Variants in PTPN7 observed in about 807,000 individuals in gnomAD.
The protein encoded by PTPN7 is protein tyrosine phosphatase non-receptor type 7.
Under a neutral mutation model 50.3 loss-of-function variants are expected in PTPN7, and 33 were observed. That is an observed-to-expected ratio of 0.66 (90% CI 0.50 to 0.88). The LOEUF is 0.88. Among genes scored for constraint, PTPN7 ranks in the 40% least tolerant of loss-of-function variants. PTPN7 has a pLI of 0.00. For synonymous variants in PTPN7, 185 were observed against 186.6 expected (o/e 0.99, Z 0.07); for missense variants, 412 against 475.4 (o/e 0.87, Z 1.24).
intron 7 of PTPN7, 33 bp downstream of exon 7, chr1:202,153,692 T>C (rs1656305597): frequency 6.4e-7 from 1 of 1,567,664 alleles, no homozygotes; most frequent in Non-Finnish European, 8.8e-7. Flanking sequence ...GCGGCCCAAC[T>C]TCCCACTGGG....
intron 5 of PTPN7, 73 bp downstream of exon 5, chr1:202,155,460 A>T (rs1656550959): frequency 7.0e-7 from 1 of 1,421,566 alleles, no homozygotes; most frequent in Admixed American, 1.8e-5. Flanking sequence ...TCCACCAGCC[A>T]TGGCTGGAAG....
At position 202,154,322 on chromosome 1, in the gene PTPN7, C is replaced by G; in HGVS notation, c.470G>C (p.Gly157Ala). The G allele has an allele frequency of 6.2e-7, 1 of 1,610,828 alleles. No homozygotes were observed. Among genetic ancestry groups the G allele is most frequent in the South Asian group, 1.1e-5 (1 of 90,670 alleles). The part of the protein sequence containing the change: ...GDYINANYIR[G>A]YDGKEKVYIA... ...GTAGACCTTCTCCTTCCCGTCATAG[C>G]CCTGGAAGGTGGAAGCACAGGGGAA... is the stretch of plus-strand genomic sequence containing the variant. The change falls in exon 6 of 10, where the codon GGC becomes GCC. Residue 157 changes from glycine (G) to alanine (A), a missense_variant and splice_region_variant. Coordinates refer to ENST00000691036, the MANE Select transcript of PTPN7 (RefSeq NM_002832.4).
At chr1:202,156,549 G>A (rs1285148304) in intron 4 of PTPN7, among the ~76,000 whole-genome samples, 1 of 152,218 alleles carries the variant, frequency 6.6e-6, no homozygotes. Flanking sequence ...AGAGACTCTC[G>A]CTCTGCTCAT....
Position 202,159,225 on chromosome 1 carries a change from A to G in PTPN7, c.122+56T>C. On this transcript the variant is annotated intron_variant, in intron 2 of 9. Transcript: ENST00000691036. The surrounding 1 kb of genome is among the most constrained non-coding windows in gnomAD (Gnocchi z 4.6). ...CTGGAGGGGCAGATGGAAGGAAGGGAGGAGCGGAATGGGGGCTCAGGGCTC... is the reference window on the plus strand; with the variant it reads ...CTGGAGGGGCAGATGGAAGGAAGGGGGGAGCGGAATGGGGGCTCAGGGCTC... 6.5e-7 allele frequency: 1 copy of G among 1,546,350 alleles called. No homozygotes were observed. Among genetic ancestry groups the G allele is most frequent in the Non-Finnish European group, 8.9e-7 (1 of 1,124,110 alleles).
intron 8 of PTPN7, among the ~76,000 whole-genome samples, chr1:202,150,985 A>T (rs1018356449): frequency 2.0e-5 from 3 of 151,984 alleles, no homozygotes; most frequent in African/African-American, 7.3e-5. Flanking sequence ...CACATGTCCC[A>T]GTGCTACCTG....
intron 7 of PTPN7, 142 bp from the exon 8 acceptor site, chr1:202,152,841 G>T (rs990455561): frequency 2.2e-6 from 2 of 906,230 alleles, no homozygotes; most frequent in Middle Eastern, 3.0e-4. Flanking sequence ...TGCAATTTTC[G>T]TGCTCATTGT....
chr1:202,154,154 G>A (rs1263136757), intron 6 of PTPN7, 32 bp downstream of exon 6: 7 of 1,613,068 alleles, frequency 4.3e-6, no homozygotes, highest in Middle Eastern at 1.8e-4. Context: ...GCACTTTCTG[G>A]GTTCATCATG....
upstream of PTPN7, chr1:202,160,721 G>A (rs1399929905): frequency 2.3e-5 from 35 of 1,550,396 alleles, no homozygotes; most frequent in Non-Finnish European, 2.9e-5. This position sits in a 1 kb window ranked among gnomAD's most constrained non-coding sequence, Gnocchi z 4.8. Context: ...GCTGCCACCA[G>A]GGGTCGGCTG....
At chr1:202,158,365 A>C (rs1656932258) in intron 2 of PTPN7, 64 bp from the exon 3 acceptor site, 1 of 1,552,020 alleles carries the variant, frequency 6.4e-7, no homozygotes, top group Non-Finnish European at 8.8e-7. Flanking sequence ...TTTTCTTTTT[A>C]TCTTTTCTTT....
At chr1:202,157,058 T>C (rs1656746257) in intron 4 of PTPN7, among the ~76,000 whole-genome samples, 1 of 152,146 alleles carries the variant, frequency 6.6e-6, no homozygotes, top group African/African-American at 2.4e-5. Context: ...GCTGGGCATT[T>C]CCCATGCAAG....
rs1655524803 is a variant in PTPN7 at position 202,148,104 on chromosome 1, G to T, written c.*502C>A. ...TTTTCCCCATTCTTGCATCTGGCCT[G>T]TGCTTGGGCAGGACCTCGGGTGAAG... On this transcript the variant is annotated 3_prime_UTR_variant, in exon 10 of 10. Coordinates refer to ENST00000691036, the MANE Select transcript of PTPN7 (RefSeq NM_002832.4). 6.6e-6 allele frequency: 1 copy of T among 152,538 alleles called. No homozygotes were observed. The highest frequency in any genetic ancestry group is 2.4e-5 in the African/African-American group (1 of 41,470). The allele number at this position is 152,538 out of a possible 1,614,324, so 9.4% of individuals were successfully genotyped here.
chr1:202,160,530 C>A lies in PTPN7; in HGVS notation c.-53+15G>T, dbSNP rs111924024. 4.5e-6 allele frequency: 7 copies of A among 1,539,226 alleles called. No homozygotes were observed. The highest frequency in any genetic ancestry group is 2.0e-5 in the Admixed American group (1 of 50,668). On this transcript the variant is annotated intron_variant, in intron 1 of 9. Coordinates refer to ENST00000691036, the MANE Select transcript of PTPN7 (RefSeq NM_002832.4). The surrounding 1 kb of genome is among the most constrained non-coding windows in gnomAD (Gnocchi z 4.8). ...CGGGGCCACAGGACTCCCAGTCCCC[C>A]CTTCAGATACTTACTGAAGCAGCTG... is the stretch of plus-strand genomic sequence containing the variant.
At chr1:202,160,613 G>A (rs1321571559), upstream of PTPN7, 1 of 1,550,526 alleles carries the variant, frequency 6.4e-7, no homozygotes. This position sits in a 1 kb window ranked among gnomAD's most constrained non-coding sequence, Gnocchi z 4.8. Context: ...GTCTTTGAGG[G>A]CTGAGAAGGC....
In PTPN7 at chr1:202,160,072, T is replaced by C. The variant is rs1657189982; in HGVS notation, c.-53+473A>G. 3.8e-6 allele frequency: 3 copies of C among 793,448 alleles called. No individual in the cohort carries two copies. In the South Asian group the frequency reaches 1.6e-4, roughly 43 times the overall value. 49.2% of individuals were successfully genotyped at this position (793,448 alleles called of 1,614,324 possible). A position where few individuals can be genotyped will look rare whatever the true frequency, so the allele number is the denominator to read the frequency against. ...CCCATCCCCCCGTCTCCCGCCTCTG[T>C]AACCGTCACAGGAAATGGCCTCACC... is the stretch of plus-strand genomic sequence containing the variant. On this transcript the variant is annotated intron_variant, in intron 1 of 9. Transcript: ENST00000691036. This position sits in a 1 kb window ranked among gnomAD's most constrained non-coding sequence, Gnocchi z 4.8.
chr1:202,158,527 A>G (rs1366641330), intron 2 of PTPN7: 5 of 470,964 alleles, frequency 1.1e-5, no homozygotes, highest in African/African-American at 2.0e-5. Context: ...CACCTGGCTA[A>G]TTTAAGTTTT....
rs1400902523 is a variant in PTPN7, at chr1:202,160,186, A to AG, written c.-53+358dup. 1.3e-5 allele frequency among the ~76,000 whole-genome samples: 2 copies of AG among 152,128 alleles called. No individual in the cohort carries two copies. The highest frequency in any genetic ancestry group is 4.8e-5 in the African/African-American group (2 of 41,410). On this transcript the variant is annotated intron_variant, in intron 1 of 9. Transcript: ENST00000691036. The surrounding 1 kb of genome is among the most constrained non-coding windows in gnomAD (Gnocchi z 4.8). ...GGTGGGACCATCTCCTCTTGGGGGC[A>AG]GTCCCTATCTCCCAGAGCCAGGGTC...
chr1:202,154,431 C>G, intron 5 of PTPN7, 108 bp from the exon 6 acceptor site: 1 of 1,314,680 alleles, frequency 7.6e-7, no homozygotes, highest in African/African-American at 1.5e-5. Context: ...GTGAACCACA[C>G]GTGTAGACGT....
In PTPN7 at chr1:202,147,382, C is replaced by T. The variant is rs544497107; in HGVS notation, c.*1224G>A. On this transcript the variant is annotated 3_prime_UTR_variant, in exon 10 of 10. Coordinates refer to ENST00000691036, the MANE Select transcript of PTPN7 (RefSeq NM_002832.4). ...AGGAGAGAAGTCCTGAGTGAGGAGG[C>T]CCAGCTGTTCTCCAGATCCAACTCC... 1.3e-5 allele frequency: 2 copies of T among 152,220 alleles called. No homozygotes were observed. Among genetic ancestry groups the T allele is most frequent in the African/African-American group, 4.8e-5 (2 of 41,530 alleles). The allele number at this position is 152,220 out of a possible 1,614,324, so 9.4% of individuals were successfully genotyped here.
intron 8 of PTPN7, 146 bp from the exon 9 acceptor site, chr1:202,150,570 T>G: frequency 3.2e-6 from 2 of 633,404 alleles, no homozygotes; most frequent in South Asian, 3.7e-5. Context: ...GTAGCAGTAC[T>G]CTGCTTTCCA....
Sources: gnomAD v4.1 joint callset for allele counts (sites outside exome capture counted in the v4.1 genomes callset) on GRCh38, gnomAD v4.1.1 for gene constraint, Gnocchi (gnomAD v3.1) non-coding constraint, MANE v1.5 for transcripts, NCBI Gene and HGNC (gene_info 2026-07-23, HGNC 2026-07-21) for gene names.